Variants in NPTX2 observed in about 807,000 individuals in gnomAD.
NPTX2 encodes neuronal pentraxin-2.
A neutral mutation model predicts 38.1 loss-of-function variants in NPTX2; 23 were observed. That is an observed-to-expected ratio of 0.60 (90% CI 0.43 to 0.85). The LOEUF (loss-of-function observed/expected upper bound fraction) is 0.85. NPTX2 is among the 40% of genes least tolerant of loss of function. The pLI is 0.00. For synonymous variants in NPTX2, 291 were observed against 287.3 expected, an observed-to-expected ratio of 1.01 and a Z score of -0.13; for missense variants, 553 against 615.3, an observed-to-expected ratio of 0.90 and a Z score of 1.07.
chr7:98,620,027 T>C lies in NPTX2; in HGVS notation c.643+168T>C, dbSNP rs190123019. ...CGACTGAACAAGGTCATCTCAGGAA[T>C]GAGCTGCCAGCCCCACTGGCATTAT... On this transcript the variant is annotated intron_variant, in intron 2 of 4. Transcript: ENST00000265634. 3.7e-4 allele frequency: 242 copies of C among 647,532 alleles called. 1 individual carries two copies. The highest frequency in any genetic ancestry group is 3.5e-3 in the African/African-American group (193 of 55,344). 40.1% of individuals were successfully genotyped at this position (647,532 alleles called of 1,614,324 possible).
chr7:98,620,901 T>A (rs1234737998), intron 2 of NPTX2, among the ~76,000 whole-genome samples: 1 of 152,142 alleles, frequency 6.6e-6, no homozygotes, highest in Non-Finnish European at 1.5e-5. Context: ...GTGGCCAAGT[T>A]GCCATGAGGA....
Position 98,617,420 on chromosome 7 carries a change from C to T in NPTX2, c.-42C>T, listed in dbSNP as rs925371504. ...CCTCCCGCGGAGCGCCCCGACGGCG[C>T]CCGCTCGCCCATGCCGAGCTGAGCG... On this transcript the variant is annotated 5_prime_UTR_variant, in exon 1 of 5. Transcript: ENST00000265634. The T allele has an allele frequency of 5.4e-4, 372 of 683,798 alleles. 2 individuals are homozygous for T. The highest frequency in any genetic ancestry group is 6.8e-4 in the Non-Finnish European group (343 of 503,658). 42.4% of individuals were successfully genotyped at this position (683,798 alleles called of 1,614,324 possible).
chr7:98,621,274 G>A (rs775097843), intron 2 of NPTX2, among the ~76,000 whole-genome samples: 3 of 152,052 alleles, frequency 2.0e-5, no homozygotes, highest in Non-Finnish European at 4.4e-5. Context: ...CTCAGACCCC[G>A]CCAGCCTGAC....
Position 98,617,804 on chromosome 7 carries a change from G to A in NPTX2, c.343G>A (p.Asp115Asn), listed in dbSNP as rs1391935921. 1.3e-6 allele frequency: 2 copies of A among 1,531,886 alleles called. No homozygotes were observed. The highest frequency in any genetic ancestry group is 2.0e-5 in the Admixed American group (1 of 50,712). The allele number at this position is 1,531,886 out of a possible 1,614,324, so 94.9% of individuals were successfully genotyped here. The change falls in exon 1 of 5, where the codon GAC (aspartate) becomes AAC (asparagine). Residue 115 changes from aspartate (D) to asparagine (N), a missense_variant. Physicochemically the swap from Asp to Asn is conservative, Grantham distance 23. Coordinates refer to ENST00000265634, the MANE Select transcript of NPTX2 (RefSeq NM_002523.3). ...AGATGKDTMG[D>N]LPRDPGHVVE... ...GGCCACGGGCAAGGACACTATGGGCGACCTGCCGCGGGACCCCGGCCACGT... is the reference window on the plus strand; with the variant it reads ...GGCCACGGGCAAGGACACTATGGGCAACCTGCCGCGGGACCCCGGCCACGT...
intron 1 of NPTX2, among the ~76,000 whole-genome samples, 171 bp downstream of exon 1, chr7:98,618,058 A>G (rs1045758832): frequency 2.6e-5 from 4 of 151,716 alleles, no homozygotes; most frequent in Non-Finnish European, 4.4e-5. Context: ...CTGCTCGGGA[A>G]CTCCCCTGCG....
At position 98,618,973 on chromosome 7, in the gene NPTX2, G is replaced by A. The variant is rs139734256; in HGVS notation, c.427-670G>A. On this transcript the variant is annotated intron_variant, in intron 1 of 4. Coordinates refer to ENST00000265634, the MANE Select transcript of NPTX2 (RefSeq NM_002523.3). ...TTGGAACAATGAATGGCATGAGGCAGGTCCCATTATGTGCATTTCACAATT... is the reference window on the plus strand; with the variant it reads ...TTGGAACAATGAATGGCATGAGGCAAGTCCCATTATGTGCATTTCACAATT... Among the ~76,000 whole-genome samples, 20 of 152,190 alleles carry A rather than the reference G, an allele frequency of 1.3e-4. No individual in the cohort carries two copies. In the East Asian group the frequency reaches 3.7e-3, roughly 28 times the overall value.
At position 98,617,562 on chromosome 7, in the gene NPTX2, C is replaced by A; in HGVS notation, c.101C>A (p.Pro34Gln). The change falls in exon 1 of 5, where the codon CCA (proline) becomes CAA (glutamine). Residue 34 changes from proline (P) to glutamine (Q), a missense_variant. Physicochemically the swap from Pro to Gln is moderately conservative, Grantham distance 76. Transcript: ENST00000265634. ...CGCTTCGTGTGCACGGCACTGCCCCCAGAGGCGGTGCACGCCGGCTGCCCG... is the reference window on the plus strand; with the variant it reads ...CGCTTCGTGTGCACGGCACTGCCCCAAGAGGCGGTGCACGCCGGCTGCCCG... The part of the protein sequence containing the change: ...GSRFVCTALP[P>Q]EAVHAGCPLP... 1 of 1,478,286 alleles carries A rather than the reference C, an allele frequency of 6.8e-7. No individual in the cohort carries two copies. The highest frequency in any genetic ancestry group is 2.3e-5 in the Admixed American group (1 of 43,496). The allele number at this position is 1,478,286 out of a possible 1,614,324, so 91.6% of individuals were successfully genotyped here.
At chr7:98,628,300 C>G (rs1791386249) in intron 4 of NPTX2, 102 bp from the exon 5 acceptor site, 1 of 641,574 alleles carries the variant, frequency 1.6e-6, no homozygotes, top group East Asian at 2.7e-5. Context: ...TTGGTCAGAG[C>G]TGGGGGGCAT....
At chr7:98,626,295 C>T (rs539952752) in intron 3 of NPTX2, among the ~76,000 whole-genome samples, 127 of 152,164 alleles carry the variant, frequency 8.3e-4, no homozygotes, top group African/African-American at 2.8e-3. Context: ...TGAGTGGCTA[C>T]GCAAACTCCC....
In NPTX2 at chr7:98,617,858, AC is replaced by A. The variant is rs1299851273; in HGVS notation, c.400del (p.Leu134SerfsTer69). On this transcript the variant is annotated frameshift_variant, in exon 1 of 5. Transcript: ENST00000265634. LOFTEE classifies it high-confidence loss of function. ...VVEQLSRSLQ[T>X]LKDRLESLEH... ...GGAGCAGCTCAGCCGCTCGCTGCAG[AC>A]CCTCAAGGACCGCCTGGAGAGCCTC... 1 of 1,555,954 alleles carries A rather than the reference AC, an allele frequency of 6.4e-7. No individual in the cohort carries two copies. Among genetic ancestry groups the A allele is most frequent in the Non-Finnish European group, 8.6e-7 (1 of 1,159,342 alleles).
At chr7:98,621,103 C>A (rs942992553) in intron 2 of NPTX2, among the ~76,000 whole-genome samples, 2 of 152,158 alleles carry the variant, frequency 1.3e-5, no homozygotes, top group Non-Finnish European at 2.9e-5. Context: ...CAACCTGCAC[C>A]TCCTCCTTCT....
At chr7:98,621,596 G>A (rs1791270628) in intron 2 of NPTX2, among the ~76,000 whole-genome samples, 1 of 152,192 alleles carries the variant, frequency 6.6e-6, no homozygotes, top group Admixed American at 6.5e-5. Flanking sequence ...GATTGGAAAC[G>A]ATGCCAAGTT....
At chr7:98,619,361 G>T (rs1360450814) in intron 1 of NPTX2, among the ~76,000 whole-genome samples, 1 of 152,176 alleles carries the variant, frequency 6.6e-6, no homozygotes, top group Non-Finnish European at 1.5e-5. Context: ...CTAGGCGTTG[G>T]TTAGAATATT....
intron 2 of NPTX2, among the ~76,000 whole-genome samples, chr7:98,623,490 G>A (rs1258216777): frequency 1.3e-5 from 2 of 152,224 alleles, no homozygotes; most frequent in African/African-American, 2.4e-5. Context: ...GGCCAAGGCT[G>A]TGACCAGGTG....
At chr7:98,619,295 T>C (rs1254428216) in intron 1 of NPTX2, among the ~76,000 whole-genome samples, 1 of 152,146 alleles carries the variant, frequency 6.6e-6, no homozygotes, top group Non-Finnish European at 1.5e-5. Context: ...CGATTTACTC[T>C]TAAAAAAGAA....
chr7:98,617,838 A>C lies in NPTX2; in HGVS notation c.377A>C (p.Gln126Pro), dbSNP rs1168563140. The change falls in exon 1 of 5, where the codon CAG becomes CCG. Residue 126 changes from glutamine (Q) to proline (P), a missense_variant. Physicochemically the swap from Gln to Pro is moderately conservative, Grantham distance 76 (BLOSUM62 -1). Transcript: ENST00000265634. ...LPRDPGHVVE[Q>P]LSRSLQTLKD... ...CGGGACCCCGGCCACGTCGTGGAGC[A>C]GCTCAGCCGCTCGCTGCAGACCCTC... The C allele has an allele frequency of 1.9e-6, 3 of 1,553,010 alleles. No homozygotes were observed. Among genetic ancestry groups the C allele is most frequent in the Non-Finnish European group, 2.6e-6 (3 of 1,158,026 alleles).
chr7:98,620,336 GAT>G (rs1791252347), intron 2 of NPTX2, among the ~76,000 whole-genome samples: 1 of 152,148 alleles, frequency 6.6e-6, no homozygotes. Flanking sequence ...GCACTAAGCT[GAT>G]GAAGCCACTT....
chr7:98,625,941 T>G (rs1791339876), intron 3 of NPTX2, among the ~76,000 whole-genome samples: 1 of 150,056 alleles, frequency 6.7e-6, no homozygotes, highest in South Asian at 2.1e-4. Context: ...AGCCCAGGAG[T>G]TCAAGAGCAG....
rs1584144114 is a variant in NPTX2, at chr7:98,627,291, G to A, written c.1015G>A (p.Ala339Thr). ...GAAGCTGGGCACTGGGGAGAACCTG[G>A]CCCCCTGGCACCCCATCAAGCCCGG... ...GEKLGTGENL[A>T]PWHPIKPGGV... Residue 339 changes from alanine (A) to threonine (T), a missense_variant, in exon 4 of 5, where the codon GCC becomes ACC. Transcript: ENST00000265634. The A allele has an allele frequency of 6.2e-7, 1 of 1,613,892 alleles. No individual in the cohort carries two copies. Among genetic ancestry groups the A allele is most frequent in the Non-Finnish European group, 8.5e-7 (1 of 1,179,918 alleles).
Sources: allele counts gnomAD v4.1 joint callset (sites outside exome capture counted in the v4.1 genomes callset), GRCh38; gene constraint gnomAD v4.1.1; transcripts MANE v1.5; gene names NCBI Gene and HGNC (gene_info 2026-07-23, HGNC 2026-07-21).